Variants in SCHIP1 observed in about 807,000 individuals in gnomAD.
SCHIP1 encodes schwannomin-interacting protein 1.
SCHIP1 carries 8 observed loss-of-function variants against 29.7 expected under a neutral mutation model. The observed-to-expected ratio is 0.27, with a 90% CI of 0.16 to 0.49. The LOEUF (loss-of-function observed/expected upper bound fraction) is 0.49, where lower values mean the gene tolerates loss of function less well. Among genes scored for constraint, SCHIP1 ranks in the 20% least tolerant of loss-of-function variants. SCHIP1 has a pLI of 0.99. For synonymous variants in SCHIP1, 76 were observed against 94.9 expected, an observed-to-expected ratio of 0.80 and a Z score of 1.16; for missense variants, 193 against 294.6, an observed-to-expected ratio of 0.66 and a Z score of 2.52.
chr3:159,307,305 G>T, the SCHIP1 span, among the ~76,000 whole-genome samples: 1 of 152,134 alleles, frequency 6.6e-6, no homozygotes, highest in African/African-American at 2.4e-5. Flanking sequence ...GCCACCTAGG[G>T]CAAGTTGCTT....
chr3:159,835,017 G>T (rs546440385), upstream of SCHIP1, among the ~76,000 whole-genome samples: 5 of 152,256 alleles, frequency 3.3e-5, no homozygotes, highest in African/African-American at 1.2e-4. Context: ...GATATCCACA[G>T]TATTAATTTT....
chr3:159,750,259 GTGTGTATATATATATATA>G, the SCHIP1 span, among the ~76,000 whole-genome samples: 11 of 11,892 alleles, frequency 9.2e-4, no homozygotes, highest in South Asian at 8.9e-3. Flanking sequence ...GTGTATGTGT[GTGTGTATATATATATATA>G]TATATATATA....
At chr3:159,417,954 A>G in the SCHIP1 span, among the ~76,000 whole-genome samples, 1 of 152,302 alleles carries the variant, frequency 6.6e-6, no homozygotes, top group African/African-American at 2.4e-5. Flanking sequence ...CAGCCTGCCA[A>G]CAACATTCAG....
At chr3:159,315,398 T>C in the SCHIP1 span, among the ~76,000 whole-genome samples, 8 of 149,092 alleles carry the variant, frequency 5.4e-5, 1 homozygote, top group Admixed American at 4.7e-4. Flanking sequence ...TCTTTCTTTT[T>C]TTTTTTTTTT....
chr3:159,506,726 C>A, the SCHIP1 span, among the ~76,000 whole-genome samples: 1 of 152,160 alleles, frequency 6.6e-6, no homozygotes, highest in Admixed American at 6.5e-5. Flanking sequence ...AATAGGGAAT[C>A]CTCTCCCCAT....
chr3:159,828,452 C>CATATATATAT, the SCHIP1 span, among the ~76,000 whole-genome samples: 2 of 116,944 alleles, frequency 1.7e-5, no homozygotes, highest in Non-Finnish European at 3.4e-5. Context: ...TATATATATA[C>CATATATATAT]GTATATATAT....
chr3:159,612,101 T>G, the SCHIP1 span, among the ~76,000 whole-genome samples: 1 of 152,080 alleles, frequency 6.6e-6, no homozygotes, highest in Non-Finnish European at 1.5e-5. Flanking sequence ...AGTGAAAATA[T>G]AAAATATTCT....
At chr3:159,658,308 G>T in the SCHIP1 span, among the ~76,000 whole-genome samples, 1 of 152,260 alleles carries the variant, frequency 6.6e-6, no homozygotes, top group Non-Finnish European at 1.5e-5. Context: ...TGAGGCTGGG[G>T]AGCAGTAGTT....
the SCHIP1 span, among the ~76,000 whole-genome samples, chr3:159,537,929 A>C: frequency 2.6e-5 from 4 of 152,316 alleles, no homozygotes; most frequent in South Asian, 8.3e-4. Context: ...AATGATACAT[A>C]GTACAGAAGC....
At chr3:159,592,636 C>A in the SCHIP1 span, among the ~76,000 whole-genome samples, 2 of 151,862 alleles carry the variant, frequency 1.3e-5, no homozygotes, top group Non-Finnish European at 2.9e-5. Flanking sequence ...TCTTGCAGTA[C>A]CCAAGTCCAA....
chr3:159,354,055 TAG>T, the SCHIP1 span, among the ~76,000 whole-genome samples: 156 of 152,336 alleles, frequency 1.0e-3, 2 homozygotes, highest in South Asian at 0.024. Context: ...CTGTTACCAC[TAG>T]AGTTATTTTA....
the SCHIP1 span, among the ~76,000 whole-genome samples, chr3:159,376,504 G>A: frequency 6.6e-6 from 1 of 152,114 alleles, no homozygotes; most frequent in Non-Finnish European, 1.5e-5. Flanking sequence ...ACCACTTTAA[G>A]GACCCCTAAT....
chr3:159,873,145 C>A (rs1345340536), intron 2 of SCHIP1, among the ~76,000 whole-genome samples: 1 of 152,176 alleles, frequency 6.6e-6, no homozygotes, highest in Admixed American at 6.5e-5. Context: ...AAGATTAAAA[C>A]CAGGTAAACC....
the SCHIP1 span, chr3:159,764,891 G>T: frequency 6.4e-6 from 10 of 1,571,682 alleles, no homozygotes; most frequent in Non-Finnish European, 7.7e-6. The surrounding 1 kb of genome is among the most constrained non-coding windows in gnomAD (Gnocchi z 6.1). Flanking sequence ...GTGGCTGGCC[G>T]GCCGAGCTGT....
At chr3:159,742,761 G>A in the SCHIP1 span, among the ~76,000 whole-genome samples, 5 of 151,304 alleles carry the variant, frequency 3.3e-5, no homozygotes, top group Admixed American at 6.6e-5. Flanking sequence ...TCCACCTCCC[G>A]GGTTCAAGCA....
At chr3:159,524,898 C>A in the SCHIP1 span, among the ~76,000 whole-genome samples, 2 of 152,174 alleles carry the variant, frequency 1.3e-5, no homozygotes, top group Admixed American at 1.3e-4. Flanking sequence ...AATCTGAGCA[C>A]TCCTCATGAC....
the SCHIP1 span, among the ~76,000 whole-genome samples, chr3:159,394,107 T>C: frequency 5.3e-5 from 8 of 151,070 alleles, no homozygotes; most frequent in African/African-American, 1.7e-4. Flanking sequence ...ATGATTTGGC[T>C]CTTTGTTTGT....
the SCHIP1 span, among the ~76,000 whole-genome samples, chr3:159,372,089 T>C: frequency 3.9e-5 from 6 of 152,190 alleles, no homozygotes; most frequent in African/African-American, 1.4e-4. Context: ...TTCATATTGG[T>C]CAAAGAATAT....
chr3:159,365,861 CCT>C, the SCHIP1 span, among the ~76,000 whole-genome samples: 1 of 152,218 alleles, frequency 6.6e-6, no homozygotes, highest in East Asian at 1.9e-4. Flanking sequence ...CCTAAGACCC[CCT>C]CTCTTGATTT....
Sources: gnomAD v4.1 joint callset for allele counts (sites outside exome capture counted in the v4.1 genomes callset) on GRCh38, gnomAD v4.1.1 for gene constraint, Gnocchi (gnomAD v3.1) non-coding constraint, MANE v1.5 for transcripts, NCBI Gene and HGNC (gene_info 2026-07-23, HGNC 2026-07-21) for gene names.